The following NEDD4L variants were observed in gnomAD, a reference collection of about 807,000 sequenced individuals.
The protein encoded by NEDD4L is NEDD4 like E3 ubiquitin protein ligase.
Under a neutral mutation model 148.9 loss-of-function variants are expected in NEDD4L, and 54 were observed. The observed-to-expected ratio is 0.36, with a 90% CI of 0.29 to 0.45. The LOEUF is 0.45. Among genes scored for constraint, NEDD4L ranks in the 20% least tolerant of loss-of-function variants. The pLI, the probability that NEDD4L is intolerant of heterozygous loss-of-function variation, is 1.00. For synonymous variants in NEDD4L, 433 were observed against 440.7 expected, an observed-to-expected ratio of 0.98 and a Z score of 0.22; for missense variants, 856 against 1,233.8, an observed-to-expected ratio of 0.69 and a Z score of 4.59.
chr18:58,352,168 G>C (rs1348507556), intron 18 of NEDD4L, among the ~76,000 whole-genome samples: 1 of 152,126 alleles, frequency 6.6e-6, no homozygotes, highest in Admixed American at 6.5e-5. Context: ...CAGAGACTTA[G>C]TTTTTGTCTT....
Position 58,389,202 on chromosome 18 carries a change from G to C in NEDD4L, c.2655+10G>C, listed in dbSNP as rs1268733647. 6.2e-7 allele frequency: 1 copy of C among 1,602,810 alleles called. No homozygotes were observed. The highest frequency in any genetic ancestry group is 1.3e-5 in the African/African-American group (1 of 74,744). ...TCAGTGGTTCTGGAAGGTAACTCCG[G>C]GGCCCAGCCCCAGCCGGTGTCCTCC... On this transcript the variant is annotated intron_variant, in intron 28 of 30. Coordinates refer to ENST00000400345, the MANE Select transcript of NEDD4L (RefSeq NM_001144967.3).
Position 58,245,424 on chromosome 18 carries a change from C to T in NEDD4L, c.123-3C>T, listed in dbSNP as rs777946856. On this transcript the variant is annotated splice_region_variant and splice_polypyrimidine_tract_variant and intron_variant, in intron 2 of 30. Coordinates refer to ENST00000400345, the MANE Select transcript of NEDD4L (RefSeq NM_001144967.3). Reference sequence around the variant, plus strand: ...CTATTAAATCTAAAATATTTTCTTACAGTGATCCGTATGTGAAACTTTCAT... The same window carrying T: ...CTATTAAATCTAAAATATTTTCTTATAGTGATCCGTATGTGAAACTTTCAT... 7 of 1,459,676 alleles carry T rather than the reference C, an allele frequency of 4.8e-6. No homozygotes were observed. The highest frequency in any genetic ancestry group is 1.4e-5 in the African/African-American group (1 of 71,602). 90.4% of individuals were successfully genotyped at this position (1,459,676 alleles called of 1,614,324 possible). A position where few individuals can be genotyped will look rare whatever the true frequency, so the allele number is the denominator to read the frequency against.
At chr18:58,048,439 G>A (rs982042621) in intron 1 of NEDD4L, among the ~76,000 whole-genome samples, 2 of 152,126 alleles carry the variant, frequency 1.3e-5, no homozygotes, top group South Asian at 2.1e-4. Context: ...GTGTGAGGTA[G>A]GCTGTGATTT....
At chr18:58,316,304 T>G (rs1568670485) in intron 6 of NEDD4L, among the ~76,000 whole-genome samples, 1 of 152,204 alleles carries the variant, frequency 6.6e-6, no homozygotes, top group Non-Finnish European at 1.5e-5. Context: ...CTGCTCCACC[T>G]TTGTGTATCA....
At chr18:58,082,079 A>AATAT (rs72331379) in intron 1 of NEDD4L, among the ~76,000 whole-genome samples, 76 of 89,916 alleles carry the variant, frequency 8.5e-4, no homozygotes, top group South Asian at 1.5e-3. Flanking sequence ...CTTTCTGATG[A>AATAT]ATATATATAT....
At chr18:58,098,399 T>C (rs79843218) in intron 1 of NEDD4L, among the ~76,000 whole-genome samples, 1,856 of 152,222 alleles carry the variant, frequency 0.012, 39 homozygotes, top group African/African-American at 0.042. Context: ...ACTTTTCTTC[T>C]ATCAGTTTCT....
intron 5 of NEDD4L, among the ~76,000 whole-genome samples, chr18:58,262,568 G>T (rs544844265): frequency 1.3e-5 from 2 of 151,456 alleles, no homozygotes; most frequent in East Asian, 3.9e-4. Flanking sequence ...GGCGGAGGTT[G>T]CAGTGAGCTG....
chr18:58,165,734 GTGAT>G (rs1235393246), intron 1 of NEDD4L, 50 bp from the exon 2 acceptor site: 23 of 1,538,628 alleles, frequency 1.5e-5, no homozygotes, highest in Non-Finnish European at 2.0e-5. Flanking sequence ...GGATGAGAGA[GTGAT>G]TGATTGAAGA....
At chr18:58,125,031 T>C (rs1426397241) in intron 1 of NEDD4L, among the ~76,000 whole-genome samples, 1 of 152,114 alleles carries the variant, frequency 6.6e-6, no homozygotes, top group African/African-American at 2.4e-5. Flanking sequence ...CCCTTTTGAG[T>C]AGCTGGGACT....
chr18:58,195,695 G>T (rs762550482), intron 2 of NEDD4L: 1 of 1,352,008 alleles, frequency 7.4e-7, no homozygotes, highest in Non-Finnish European at 9.8e-7. Context: ...CTCTCTCTCC[G>T]CTCCCCACTT....
At chr18:58,174,247 T>C (rs748557402) in intron 2 of NEDD4L, among the ~76,000 whole-genome samples, 10 of 152,126 alleles carry the variant, frequency 6.6e-5, no homozygotes, top group Non-Finnish European at 1.2e-4. Flanking sequence ...GGGCTCAGAA[T>C]AGGGGAGGGG....
At chr18:58,107,905 A>G (rs1244779594) in intron 1 of NEDD4L, among the ~76,000 whole-genome samples, 1 of 152,098 alleles carries the variant, frequency 6.6e-6, no homozygotes, top group Non-Finnish European at 1.5e-5. Flanking sequence ...TTTTTAGTAA[A>G]GATGGGGTTT....
At chr18:58,241,393 CTTTTTAA>C (rs2148346335) in intron 2 of NEDD4L, among the ~76,000 whole-genome samples, 1 of 152,316 alleles carries the variant, frequency 6.6e-6, no homozygotes, top group Admixed American at 6.5e-5. Flanking sequence ...CCATGCCAGA[CTTTTTAA>C]TGTTCTGAAC....
chr18:58,125,327 T>A (rs2145874495), intron 1 of NEDD4L, among the ~76,000 whole-genome samples: 1 of 151,722 alleles, frequency 6.6e-6, no homozygotes, highest in East Asian at 1.9e-4. Flanking sequence ...GGCTCTTAAC[T>A]GTAACACTGT....
Position 58,044,638 on chromosome 18 carries a change from A to G in NEDD4L, c.-23A>G, listed in dbSNP as rs757346648. On this transcript the variant is annotated 5_prime_UTR_variant, in exon 1 of 31. Transcript: ENST00000400345. Reference sequence around the variant, plus strand: ...AGCACAGCCGCTGGGAGCGCCTCAGACCCCGCGCGGGGCGCCGGCTCCATG... The same window carrying G: ...AGCACAGCCGCTGGGAGCGCCTCAGGCCCCGCGCGGGGCGCCGGCTCCATG... The G allele has an allele frequency of 3.6e-5, 57 of 1,594,094 alleles. No individual in the cohort carries two copies. The highest frequency in any genetic ancestry group is 3.4e-4 in the Middle Eastern group (2 of 5,962).
At chr18:58,319,323 G>T (rs965962823) in intron 6 of NEDD4L, among the ~76,000 whole-genome samples, 2 of 152,186 alleles carry the variant, frequency 1.3e-5, no homozygotes, top group Non-Finnish European at 2.9e-5. Flanking sequence ...GCATGGGGTG[G>T]ATTCGCCCAA....
Position 58,387,471 on chromosome 18 carries a change from TA to T in NEDD4L, c.2524del (p.Ile842PhefsTer19). On this transcript the variant is annotated frameshift_variant, in exon 27 of 31. Coordinates refer to ENST00000400345, the MANE Select transcript of NEDD4L (RefSeq NM_001144967.3). LOFTEE classifies it high-confidence loss of function. ...FTELLPIDLI[K>X]IFDENELELL... Reference sequence around the variant, plus strand: ...CAGAACTACTTCCTATTGATTTGATTAAAATTTTTGATGAAAATGAGCTGGA... The same window carrying T: ...CAGAACTACTTCCTATTGATTTGATTAAATTTTTGATGAAAATGAGCTGGA... 2 of 1,573,666 alleles carry T rather than the reference TA, an allele frequency of 1.3e-6. No homozygotes were observed. Among genetic ancestry groups the T allele is most frequent in the African/African-American group, 1.4e-5 (1 of 73,882 alleles).
intron 5 of NEDD4L, chr18:58,255,417 C>CT (rs988837630): frequency 2.1e-6 from 2 of 969,312 alleles, no homozygotes; most frequent in Non-Finnish European, 2.7e-6. Flanking sequence ...ACCCTACCCT[C>CT]TGTCACAGTG....
At chr18:58,394,362 C>A (rs937621130) in intron 30 of NEDD4L, among the ~76,000 whole-genome samples, 7 of 152,272 alleles carry the variant, frequency 4.6e-5, no homozygotes, top group Admixed American at 4.6e-4. Flanking sequence ...TTGCCTCTCT[C>A]TTCATCATGC....
Sources: gnomAD v4.1 joint callset for allele counts (sites outside exome capture counted in the v4.1 genomes callset) on GRCh38, gnomAD v4.1.1 for gene constraint, MANE v1.5 for transcripts, NCBI Gene and HGNC (gene_info 2026-07-23, HGNC 2026-07-21) for gene names.